The following CCDC28B variants were observed in gnomAD, a reference collection of about 807,000 sequenced individuals.
CCDC28B encodes the protein coiled-coil domain containing 28B.
In CCDC28B, 17 loss-of-function variants were observed where a neutral mutation model predicts 18.7. That is an observed-to-expected ratio of 0.91 (90% confidence interval 0.62 to 1.36). The LOEUF (loss-of-function observed/expected upper bound fraction) is 1.36. Ranked by LOEUF, CCDC28B falls within the 40% of genes most tolerant of loss-of-function variation. The probability of loss-of-function intolerance (pLI) is 0.00; values close to 1 mark genes in which losing one functional copy is unlikely to be tolerated. For missense variants in CCDC28B, 213 were observed against 251.7 expected, an observed-to-expected ratio of 0.85 and a Z score of 1.04; for synonymous variants, 116 against 105.1, an observed-to-expected ratio of 1.10 and a Z score of -0.64.
At chr1:32,198,421 G>C (rs1174276215), upstream of CCDC28B, 4 of 152,258 alleles carry the variant, frequency 2.6e-5, no homozygotes, top group Admixed American at 6.5e-5. Flanking sequence ...ATTCCACAGT[G>C]TCTTTGAGCA....
chr1:32,201,977 G>C lies in CCDC28B; in HGVS notation c.42G>C (p.Leu14=). The change falls in exon 2 of 6, where the codon CTG becomes CTC. Residue 14 remains leucine (L), a synonymous_variant. Transcript: ENST00000373602. ...AGAAACGGAGTCCCAAGCCCTGCCT[G>C]GCCCAGCCAGCCCAGGCCCCAGGCA... ...KKKKRSPKPC[L]AQPAQAPGTL... The C allele has an allele frequency of 4.3e-6, 7 of 1,612,806 alleles. No homozygotes were observed. The highest frequency in any genetic ancestry group is 5.9e-6 in the Non-Finnish European group (7 of 1,179,498).
At position 32,201,958 on chromosome 1, in the gene CCDC28B, G is replaced by A. The variant is rs754593426; in HGVS notation, c.23G>A (p.Arg8Gln). Residue 8 changes from arginine (R) to glutamine (Q), a missense_variant, in exon 2 of 6, where the codon CGG becomes CAG. Coordinates refer to ENST00000373602, the MANE Select transcript of CCDC28B (RefSeq NM_024296.5). Reference sequence around the variant, plus strand: ...CCAATGGATGACAAAAAGAAGAAACGGAGTCCCAAGCCCTGCCTGGCCCAG... The same window carrying A: ...CCAATGGATGACAAAAAGAAGAAACAGAGTCCCAAGCCCTGCCTGGCCCAG... MDDKKKK[R>Q]SPKPCLAQPA... 19 of 1,606,540 alleles carry A rather than the reference G, an allele frequency of 1.2e-5. No individual in the cohort carries two copies. Among genetic ancestry groups the A allele is most frequent in the Middle Eastern group, 1.7e-4 (1 of 6,018 alleles).
upstream of CCDC28B, chr1:32,197,694 C>T (rs1643053816): frequency 6.6e-6 from 1 of 152,276 alleles, no homozygotes; most frequent in Admixed American, 6.5e-5. The surrounding 1 kb of genome is among the most constrained non-coding windows in gnomAD (Gnocchi z 4.6). Flanking sequence ...GCTTTTCCTC[C>T]AGGGGACCAC....
chr1:32,203,122 A>G (rs1420636044), intron 2 of CCDC28B: 3 of 150,980 alleles, frequency 2.0e-5, no homozygotes, highest in African/African-American at 7.3e-5. Flanking sequence ...TGACAGTGAG[A>G]CTCTGTCTCA....
chr1:32,201,840 C>T, intron 1 of CCDC28B, 73 bp from the exon 2 acceptor site: 2 of 1,309,704 alleles, frequency 1.5e-6, no homozygotes, highest in South Asian at 1.4e-5. Context: ...TTCCTTGGTG[C>T]AGCTCTCAGG....
chr1:32,205,285 C>G lies in CCDC28B; in HGVS notation c.*37C>G, dbSNP rs764002948. 190 of 1,569,644 alleles carry G rather than the reference C, an allele frequency of 1.2e-4. 1 individual carries two copies. The highest frequency in any genetic ancestry group is 1.6e-4 in the Non-Finnish European group (187 of 1,152,898). On this transcript the variant is annotated 3_prime_UTR_variant, in exon 6 of 6. Transcript: ENST00000373602. The surrounding 1 kb of genome is among the most constrained non-coding windows in gnomAD (Gnocchi z 5.6). ...AGGCCCACACTGCCCCTCTCATTCT[C>G]TTCAAACTGTGACTTTTTACAGACT...
At chr1:32,196,665 G>T (rs960857966), upstream of CCDC28B, 1 of 152,230 alleles carries the variant, frequency 6.6e-6, no homozygotes, top group Non-Finnish European at 1.5e-5. Context: ...TGGGACAACA[G>T]AATGACTCAG....
chr1:32,204,431 G>A (rs1278618525), intron 4 of CCDC28B, 52 bp downstream of exon 4: 2 of 1,529,804 alleles, frequency 1.3e-6, no homozygotes, highest in Non-Finnish European at 1.8e-6. Flanking sequence ...GGGTGGAGAA[G>A]GTACATACTC....
intron 2 of CCDC28B, chr1:32,202,548 TATA>T (rs1261581536): frequency 8.5e-6 from 3 of 354,460 alleles, no homozygotes; most frequent in Non-Finnish European, 1.7e-5. Context: ...CATGCTGCCT[TATA>T]ATGTGTCCAT....
chr1:32,203,662 A>G (rs1277464253), intron 2 of CCDC28B, among the ~76,000 whole-genome samples: 1 of 152,208 alleles, frequency 6.6e-6, no homozygotes, highest in Non-Finnish European at 1.5e-5. Context: ...CTGTGTTATT[A>G]GCAGAAAAGA....
Position 32,203,878 on chromosome 1 carries a change from G to A in CCDC28B, c.165-1G>A. ...ATCATGGTCATGTCCACCCCACCCA[G>A]AGTAGGCAAAGAGAAGTGCCGCCCA... On this transcript the variant is annotated splice_acceptor_variant, in intron 2 of 5. Coordinates refer to ENST00000373602, the MANE Select transcript of CCDC28B (RefSeq NM_024296.5). LOFTEE classifies it high-confidence loss of function. 2.0e-6 allele frequency: 3 copies of A among 1,503,282 alleles called. No homozygotes were observed. The highest frequency in any genetic ancestry group is 2.7e-6 in the Non-Finnish European group (3 of 1,126,580). The allele number at this position is 1,503,282 out of a possible 1,614,324, so 93.1% of individuals were successfully genotyped here.
At position 32,201,646 on chromosome 1, in the gene CCDC28B, GC is replaced by G. The variant is rs1643149510; in HGVS notation, c.-23-265del. The G allele has an allele frequency of 1.1e-5, 3 of 272,214 alleles. No homozygotes were observed. The South Asian group carries it at 4.1e-4, about 37-fold the overall frequency. The allele number at this position is 272,214 out of a possible 1,614,324, so 16.9% of individuals were successfully genotyped here. A position where few individuals can be genotyped will look rare whatever the true frequency, so the allele number is the denominator to read the frequency against. ...CACCGTGACAGGAAGCCCCAGTAGC[GC>G]CAAGATAGTTGTGACTGGTCCCACC... On this transcript the variant is annotated intron_variant, in intron 1 of 5. Transcript: ENST00000373602.
At position 32,201,950 on chromosome 1, in the gene CCDC28B, GA is replaced by G; in HGVS notation, c.17del (p.Lys6ArgfsTer34). 1 of 1,604,792 alleles carries G rather than the reference GA, an allele frequency of 6.2e-7. No individual in the cohort carries two copies. On this transcript the variant is annotated frameshift_variant, in exon 2 of 6. Coordinates refer to ENST00000373602, the MANE Select transcript of CCDC28B (RefSeq NM_024296.5). LOFTEE classifies it high-confidence loss of function. ...GCCAGCGCCCAATGGATGACAAAAA[GA>G]AGAAACGGAGTCCCAAGCCCTGCCT... MDDKK[K>X]KRSPKPCLAQ...
At chr1:32,199,152 G>A (rs1643091388), upstream of CCDC28B, among the ~76,000 whole-genome samples, 1 of 152,168 alleles carries the variant, frequency 6.6e-6, no homozygotes, top group African/African-American at 2.4e-5. Flanking sequence ...GTTCTCTCTG[G>A]GTCCTGGGTT....
chr1:32,204,281 G>C lies in CCDC28B; in HGVS notation c.427G>C (p.Glu143Gln), dbSNP rs769135906. 20 of 1,614,006 alleles carry C rather than the reference G, an allele frequency of 1.2e-5. No homozygotes were observed. The highest frequency in any genetic ancestry group is 2.7e-5 in the African/African-American group (2 of 75,024). The change falls in exon 4 of 6, where the codon GAG becomes CAG. Residue 143 changes from glutamate (E) to glutamine (Q), a missense_variant. Physicochemically the swap from Glu to Gln is conservative, Grantham distance 29. Transcript: ENST00000373602. ...HFSLDVCGEE[E>Q]DDEEEEDGVT... ...CAGCCTGGATGTGTGTGGGGAGGAGGAGGACGATGAAGAGGAAGAGGATGG... is the reference window on the plus strand; with the variant it reads ...CAGCCTGGATGTGTGTGGGGAGGAGCAGGACGATGAAGAGGAAGAGGATGG...
At chr1:32,196,846 T>A (rs1643036519), upstream of CCDC28B, 1 of 152,270 alleles carries the variant, frequency 6.6e-6, no homozygotes. Flanking sequence ...GAATCATGTG[T>A]GACTGAGACC....
At chr1:32,202,156 AG>A in intron 2 of CCDC28B, 57 bp downstream of exon 2, 2 of 1,608,142 alleles carry the variant, frequency 1.2e-6, no homozygotes, top group Non-Finnish European at 1.7e-6. Flanking sequence ...TGCACTGTAG[AG>A]AGGAAGGCAA....
rs1431336480 is a variant in CCDC28B at position 32,202,223 on chromosome 1, C to G, written c.164+124C>G. On this transcript the variant is annotated intron_variant, in intron 2 of 5. Coordinates refer to ENST00000373602, the MANE Select transcript of CCDC28B (RefSeq NM_024296.5). ...TAATTGATGCCTTTCTGGAGCAGAC[C>G]CCTGAGAACTCAGAGCTCACTCAGA... The G allele has an allele frequency of 8.0e-6, 10 of 1,257,826 alleles. No homozygotes were observed. The East Asian group carries it at 1.0e-4, about 13-fold the overall frequency. The allele number at this position is 1,257,826 out of a possible 1,614,324, so 77.9% of individuals were successfully genotyped here.
In CCDC28B at chr1:32,205,164, CCAAAG is replaced by C. The variant is rs762597459; in HGVS notation, c.549-28_549-24del. 6.2e-7 allele frequency: 1 copy of C among 1,612,768 alleles called. No individual in the cohort carries two copies. The highest frequency in any genetic ancestry group is 1.1e-5 in the South Asian group (1 of 90,900). Reference sequence around the variant, plus strand: ...GACCGGGGTGGGAGGAAGGACTGGTCCAAAGCGCCACGATCCTTGACGGGCACAGC... The same window carrying C: ...GACCGGGGTGGGAGGAAGGACTGGTCCGCCACGATCCTTGACGGGCACAGC... On this transcript the variant is annotated intron_variant, in intron 5 of 5. Transcript: ENST00000373602. The surrounding 1 kb of genome is among the most constrained non-coding windows in gnomAD (Gnocchi z 5.6).
Sources: gnomAD v4.1 joint callset for allele counts (sites outside exome capture counted in the v4.1 genomes callset) on GRCh38, gnomAD v4.1.1 for gene constraint, Gnocchi (gnomAD v3.1) non-coding constraint, MANE v1.5 for transcripts, NCBI Gene and HGNC (gene_info 2026-07-23, HGNC 2026-07-21) for gene names.